KCNH8: variants seen among roughly 807,000 people sequenced by gnomAD.
KCNH8 encodes voltage-gated delayed rectifier potassium channel KCNH8.
A neutral mutation model predicts 103.6 loss-of-function variants in KCNH8; 70 were observed. The observed-to-expected ratio is 0.68, with a 90% CI of 0.56 to 0.82. The LOEUF is 0.82. Among genes scored for constraint, KCNH8 ranks in the 40% least tolerant of loss-of-function variants. The pLI is 0.00. For synonymous variants in KCNH8, 498 were observed against 489.4 expected (o/e 1.02, Z -0.23); for missense variants, 1,217 against 1,329.9 (o/e 0.92, Z 1.32).
intron 2 of KCNH8, among the ~76,000 whole-genome samples, chr3:19,266,804 A>C (rs1162704677): frequency 2.0e-5 from 3 of 152,036 alleles, no homozygotes; most frequent in African/African-American, 7.2e-5. Flanking sequence ...TTTCAACTTT[A>C]TGGTTACCTT....
At chr3:19,352,028 A>G (rs1294776976) in intron 5 of KCNH8, among the ~76,000 whole-genome samples, 1 of 152,158 alleles carries the variant, frequency 6.6e-6, no homozygotes, top group African/African-American at 2.4e-5. Context: ...CTCAAAATAA[A>G]GGGATGGAGG....
intron 2 of KCNH8, among the ~76,000 whole-genome samples, chr3:19,256,334 G>A (rs1275223622): frequency 6.6e-6 from 1 of 152,116 alleles, no homozygotes; most frequent in East Asian, 1.9e-4. Context: ...ACACAGTTCA[G>A]ACCATTGTGT....
At chr3:19,476,206 A>T (rs1255641021) in intron 11 of KCNH8, among the ~76,000 whole-genome samples, 1 of 152,180 alleles carries the variant, frequency 6.6e-6, no homozygotes, top group Non-Finnish European at 1.5e-5. Flanking sequence ...AACCGAGGCA[A>T]TATATTTCAA....
intron 11 of KCNH8, among the ~76,000 whole-genome samples, chr3:19,467,639 C>G (rs2067769802): frequency 6.6e-6 from 1 of 152,118 alleles, no homozygotes; most frequent in African/African-American, 2.4e-5. Context: ...TGAAACATAC[C>G]TACCTGACCA....
chr3:19,527,289 A>G, intron 15 of KCNH8, among the ~76,000 whole-genome samples: 1 of 152,084 alleles, frequency 6.6e-6, no homozygotes, highest in Non-Finnish European at 1.5e-5. Context: ...AAGGCAGAAG[A>G]ATAGTTATAG....
intron 7 of KCNH8, among the ~76,000 whole-genome samples, chr3:19,436,649 C>G (rs1210595468): frequency 1.3e-5 from 2 of 152,078 alleles, no homozygotes; most frequent in Admixed American, 6.6e-5. Flanking sequence ...GTTGGCCAGA[C>G]AGAAAAGAGA....
At chr3:19,527,223 T>C (rs2069080846) in intron 15 of KCNH8, among the ~76,000 whole-genome samples, 1 of 152,068 alleles carries the variant, frequency 6.6e-6, no homozygotes. Flanking sequence ...CGAGACTTTT[T>C]CTTCTGATAT....
At chr3:19,246,881 A>G (rs1193598703) in intron 1 of KCNH8, among the ~76,000 whole-genome samples, 1 of 152,116 alleles carries the variant, frequency 6.6e-6, no homozygotes, top group Non-Finnish European at 1.5e-5. Flanking sequence ...ACCCAATGGC[A>G]AGGTTGTGAA....
intron 15 of KCNH8, among the ~76,000 whole-genome samples, chr3:19,523,277 C>T (rs1321560724): frequency 6.6e-6 from 1 of 151,878 alleles, no homozygotes; most frequent in East Asian, 1.9e-4. Flanking sequence ...CTTATATGCA[C>T]TATTATCCTA....
intron 4 of KCNH8, 124 bp downstream of exon 4, chr3:19,342,838 T>G: frequency 1.1e-6 from 1 of 926,738 alleles, no homozygotes; most frequent in South Asian, 1.6e-5. Flanking sequence ...CCACTTTGGT[T>G]TGTGCTTTTC....
At chr3:19,387,093 T>G (rs1369379507) in intron 5 of KCNH8, among the ~76,000 whole-genome samples, 1 of 152,146 alleles carries the variant, frequency 6.6e-6, no homozygotes, top group East Asian at 1.9e-4. Flanking sequence ...CACCACTGGA[T>G]AGAAAACAGA....
chr3:19,436,894 A>AGAG (rs2067207641), intron 7 of KCNH8, among the ~76,000 whole-genome samples: 1 of 152,216 alleles, frequency 6.6e-6, no homozygotes, highest in African/African-American at 2.4e-5. Context: ...GACCCTCTTT[A>AGAG]GCAAGCCCTC....
At chr3:19,450,413 A>T (rs1437464774) in intron 9 of KCNH8, 108 bp downstream of exon 9, 9 of 808,632 alleles carry the variant, frequency 1.1e-5, no homozygotes, top group Admixed American at 2.1e-5. Flanking sequence ...CAACTTCTTT[A>T]TTCCTTTACA....
chr3:19,450,320 T>C lies in KCNH8; in HGVS notation c.1575+15T>C, dbSNP rs757392014. On this transcript the variant is annotated intron_variant, in intron 9 of 15. Coordinates refer to ENST00000328405, the MANE Select transcript of KCNH8 (RefSeq NM_144633.3). The stretch of plus-strand genomic sequence containing the variant: ...ATTCAAATGAGGTAATGTTCATTTC[T>C]CATGTTGTTTTCAGGCAGAAAGCAC... 6 of 1,593,562 alleles carry C rather than the reference T, an allele frequency of 3.8e-6. No individual in the cohort carries two copies. In the South Asian group the frequency reaches 6.6e-5, roughly 18 times the overall value.
At chr3:19,334,580 G>T (rs1215601115) in intron 3 of KCNH8, among the ~76,000 whole-genome samples, 1 of 150,022 alleles carries the variant, frequency 6.7e-6, no homozygotes. Flanking sequence ...TTTTAATTGA[G>T]CAAAACTAAA....
rs146546353 is a variant in KCNH8, at chr3:19,226,623, G to GCACACACACACACACACACA, written c.77-27029_77-27010dup. 1.7e-3 allele frequency among the ~76,000 whole-genome samples: 254 copies of GCACACACACACACACACACA among 145,728 alleles called. 2 individuals carry two copies. Among genetic ancestry groups the GCACACACACACACACACACA allele is most frequent in the African/African-American group, 5.7e-3 (226 of 39,610 alleles). The stretch of plus-strand genomic sequence containing the variant: ...CTCTGTCACACACACACACATGCAT[G>GCACACACACACACACACACA]CACACACACACACACACACACGGGA... On this transcript the variant is annotated intron_variant, in intron 1 of 15. Transcript: ENST00000328405.
chr3:19,456,455 TGAATG>T (rs1423552914), intron 10 of KCNH8, among the ~76,000 whole-genome samples: 2 of 152,004 alleles, frequency 1.3e-5, no homozygotes, highest in Non-Finnish European at 2.9e-5. Context: ...AAAAAATTGT[TGAATG>T]GGAAGTAGAG....
intron 2 of KCNH8, among the ~76,000 whole-genome samples, chr3:19,256,233 C>G (rs886925799): frequency 3.3e-5 from 5 of 152,006 alleles, no homozygotes; most frequent in Non-Finnish European, 7.4e-5. Flanking sequence ...AGTTATTTTT[C>G]CTTGGAGGAT....
Position 19,533,378 on chromosome 3 carries a change from T to G in KCNH8, c.2620-17T>G. On this transcript the variant is annotated splice_polypyrimidine_tract_variant and intron_variant, in intron 15 of 15. Transcript: ENST00000328405. ...GCACCTCTAACTATTGTCTTTCACTTTGCTCTATCCACATAGGTAACAACA... is the reference window on the plus strand; with the variant it reads ...GCACCTCTAACTATTGTCTTTCACTGTGCTCTATCCACATAGGTAACAACA... 6.4e-7 allele frequency: 1 copy of G among 1,551,404 alleles called. No homozygotes were observed.
Sources: gnomAD v4.1 joint callset for allele counts (sites outside exome capture counted in the v4.1 genomes callset) on GRCh38, gnomAD v4.1.1 for gene constraint, MANE v1.5 for transcripts, NCBI Gene and HGNC (gene_info 2026-07-23, HGNC 2026-07-21) for gene names.